The following SFXN5 variants were observed in gnomAD, a reference collection of about 807,000 sequenced individuals.
SFXN5 encodes the protein sideroflexin 5, also known as sideroflexin-5.
A neutral mutation model predicts 50.2 loss-of-function variants in SFXN5; 43 were observed. That is an observed-to-expected ratio of 0.86 (90% CI 0.67 to 1.11). The LOEUF (loss-of-function observed/expected upper bound fraction) is 1.11, where lower values mean the gene tolerates loss of function less well. Among genes scored for constraint, SFXN5 ranks in the 50% least tolerant of loss-of-function variants. The probability of loss-of-function intolerance (pLI) is 0.00; values close to 1 mark genes in which losing one functional copy is unlikely to be tolerated. For missense variants in SFXN5, 463 were observed against 454.1 expected, an observed-to-expected ratio of 1.02 and a Z score of -0.18; for synonymous variants, 203 against 185.8, an observed-to-expected ratio of 1.09 and a Z score of -0.75.
intron 1 of SFXN5, among the ~76,000 whole-genome samples, chr2:73,065,906 T>C (rs1157189737): frequency 6.6e-6 from 1 of 152,156 alleles, no homozygotes; most frequent in Non-Finnish European, 1.5e-5. Flanking sequence ...GGAGAAAGTA[T>C]GTGTGTTTGT....
intron 1 of SFXN5, among the ~76,000 whole-genome samples, chr2:73,067,995 G>T (rs1683297105): frequency 6.6e-6 from 1 of 152,146 alleles, no homozygotes; most frequent in Non-Finnish European, 1.5e-5. Flanking sequence ...ATGATGCTTG[G>T]CTATCGTCAC....
chr2:72,977,647 A>G (rs937409009), intron 10 of SFXN5, among the ~76,000 whole-genome samples: 1 of 152,164 alleles, frequency 6.6e-6, no homozygotes, highest in African/African-American at 2.4e-5. Context: ...TAGTCAGATA[A>G]AGAATCCTTC....
Position 72,973,123 on chromosome 2 carries a change from A to T in SFXN5, c.626-1438T>A, listed in dbSNP as rs920888782. The T allele has an allele frequency of 6.6e-6, 1 of 152,244 alleles. No individual in the cohort carries two copies. The highest frequency in any genetic ancestry group is 1.5e-5 in the Non-Finnish European group (1 of 68,090). 9.4% of individuals were successfully genotyped at this position (152,244 alleles called of 1,614,324 possible). ...TTTCATTAAAATGGGGAGGTGGAATAAACAGGGGAAGACCGAGAGACTCTG... is the reference window on the plus strand; with the variant it reads ...TTTCATTAAAATGGGGAGGTGGAATTAACAGGGGAAGACCGAGAGACTCTG... On this transcript the variant is annotated intron_variant, in intron 10 of 13. Coordinates refer to ENST00000272433, the MANE Select transcript of SFXN5 (RefSeq NM_144579.3). The surrounding 1 kb of genome is among the most constrained non-coding windows in gnomAD (Gnocchi z 5.5).
intron 10 of SFXN5, chr2:72,980,987 C>G (rs1168912500): frequency 6.6e-6 from 1 of 152,172 alleles, no homozygotes; most frequent in Non-Finnish European, 1.5e-5. Context: ...ATTTACGCAA[C>G]AAGCACTTAT....
At chr2:73,036,929 G>T (rs533274041) in intron 3 of SFXN5, among the ~76,000 whole-genome samples, 1 of 152,330 alleles carries the variant, frequency 6.6e-6, no homozygotes, top group Non-Finnish European at 1.5e-5. Flanking sequence ...GGCTGCCCAT[G>T]ACTCAGCACG....
chr2:72,981,781 C>A (rs1671328682), intron 10 of SFXN5, among the ~76,000 whole-genome samples: 1 of 152,188 alleles, frequency 6.6e-6, no homozygotes, highest in Admixed American at 6.5e-5. Context: ...CAGCACCACG[C>A]CCACATATTC....
intron 10 of SFXN5, among the ~76,000 whole-genome samples, chr2:72,983,228 C>T (rs138548336): frequency 1.3e-5 from 2 of 152,272 alleles, no homozygotes; most frequent in South Asian, 2.1e-4. Flanking sequence ...GGGGCATGGA[C>T]GTCAGGGAAC....
intron 9 of SFXN5, among the ~76,000 whole-genome samples, chr2:72,989,218 G>A (rs1574046509): frequency 6.6e-6 from 1 of 152,178 alleles, no homozygotes; most frequent in African/African-American, 2.4e-5. Flanking sequence ...TTCCAGCCAT[G>A]GGGCCTTTGC....
chr2:73,060,481 G>A (rs749754743), intron 1 of SFXN5, among the ~76,000 whole-genome samples: 1 of 151,986 alleles, frequency 6.6e-6, no homozygotes, highest in East Asian at 1.9e-4. Flanking sequence ...AGAAAGAGTG[G>A]GAATGAGACT....
At chr2:73,029,109 G>A (rs752678566) in intron 3 of SFXN5, among the ~76,000 whole-genome samples, 46 of 152,168 alleles carry the variant, frequency 3.0e-4, no homozygotes, top group Non-Finnish European at 5.4e-4. Context: ...AATGACGTTC[G>A]CCAGTTCCAG....
intron 1 of SFXN5, 23 bp from the exon 2 acceptor site, chr2:73,058,619 A>G: frequency 6.2e-7 from 1 of 1,610,318 alleles, no homozygotes; most frequent in African/African-American, 1.3e-5. Flanking sequence ...ATGAGAGAGA[A>G]GAGTGAATGG....
intron 11 of SFXN5, among the ~76,000 whole-genome samples, chr2:72,969,473 C>A (rs1263810882): frequency 1.3e-5 from 2 of 152,132 alleles, no homozygotes; most frequent in African/African-American, 2.4e-5. Context: ...CAGCTCACTG[C>A]AACCTCCACC....
At chr2:73,066,056 G>C (rs984425937) in intron 1 of SFXN5, among the ~76,000 whole-genome samples, 2 of 152,164 alleles carry the variant, frequency 1.3e-5, no homozygotes, top group African/African-American at 2.4e-5. Flanking sequence ...GTGCTGTGCT[G>C]TCATCTCCTC....
chr2:72,979,573 G>A (rs1370594884), intron 10 of SFXN5, among the ~76,000 whole-genome samples: 1 of 152,198 alleles, frequency 6.6e-6, no homozygotes, highest in African/African-American at 2.4e-5. Context: ...GGCGGAGGTT[G>A]CAGTGAGCCG....
At chr2:73,053,027 A>C (rs112729967) in intron 2 of SFXN5, among the ~76,000 whole-genome samples, 1 of 152,100 alleles carries the variant, frequency 6.6e-6, no homozygotes, top group African/African-American at 2.4e-5. Flanking sequence ...AAATACAAAA[A>C]TTATCCGAGC....
chr2:73,070,871 G>C (rs1480384434), intron 1 of SFXN5: 2 of 152,404 alleles, frequency 1.3e-5, no homozygotes, highest in Non-Finnish European at 2.9e-5. Context: ...GCTGGGGGGG[G>C]GTTCCCAGGC....
intron 2 of SFXN5, among the ~76,000 whole-genome samples, chr2:73,051,488 C>T (rs1681320421): frequency 1.3e-5 from 2 of 152,120 alleles, no homozygotes; most frequent in Admixed American, 1.3e-4. Context: ...GAACTCCTGA[C>T]CTTGTGATCC....
chr2:73,044,834 G>C (rs956033441), intron 2 of SFXN5, among the ~76,000 whole-genome samples: 1 of 152,236 alleles, frequency 6.6e-6, no homozygotes, highest in Non-Finnish European at 1.5e-5. Context: ...GATCCCTCTG[G>C]AGGGGCCTGC....
intron 10 of SFXN5, among the ~76,000 whole-genome samples, chr2:72,981,415 C>T (rs978304432): frequency 2.0e-5 from 3 of 152,124 alleles, no homozygotes; most frequent in Non-Finnish European, 2.9e-5. Flanking sequence ...TGTGCACCTA[C>T]ATTTTTTGAA....
Sources: allele counts gnomAD v4.1 joint callset (sites outside exome capture counted in the v4.1 genomes callset), GRCh38; gene constraint gnomAD v4.1.1; non-coding constraint Gnocchi (gnomAD v3.1); transcripts MANE v1.5; gene names NCBI Gene and HGNC (gene_info 2026-07-23, HGNC 2026-07-21).